Variants in BICC1 observed in about 807,000 individuals in gnomAD.
BICC1 encodes the protein protein bicaudal C homolog 1.
Under a neutral mutation model 111.0 loss-of-function variants are expected in BICC1, and 43 were observed. The ratio of observed to expected loss-of-function variants is 0.39; its 90% confidence interval spans 0.30 to 0.50. BICC1 has a LOEUF of 0.50. Among genes scored for constraint, BICC1 ranks in the 20% least tolerant of loss-of-function variants. The pLI is 0.88. For synonymous variants in BICC1, 467 were observed against 434.4 expected (o/e 1.07, Z -0.93); for missense variants, 1,091 against 1,203.2 (o/e 0.91, Z 1.38).
chr10:58,682,581 C>G (rs1217083326), intron 2 of BICC1, among the ~76,000 whole-genome samples: 2 of 152,110 alleles, frequency 1.3e-5, no homozygotes, highest in African/African-American at 4.8e-5. Context: ...GAGATGGTAT[C>G]TCGTTGTGGT....
At chr10:58,719,769 T>C (rs1420191140) in intron 3 of BICC1, among the ~76,000 whole-genome samples, 4 of 152,242 alleles carry the variant, frequency 2.6e-5, no homozygotes, top group African/African-American at 7.2e-5. Context: ...ACATTATCAT[T>C]AGATTTAGGA....
At chr10:58,710,843 TTTG>T (rs1840551275) in intron 3 of BICC1, among the ~76,000 whole-genome samples, 5 of 152,022 alleles carry the variant, frequency 3.3e-5, no homozygotes, top group African/African-American at 1.2e-4. Context: ...AATGTGTGGT[TTTG>T]TTGTTGTTGT....
chr10:58,695,219 T>C (rs1786717181), intron 2 of BICC1, among the ~76,000 whole-genome samples: 1 of 152,098 alleles, frequency 6.6e-6, no homozygotes, highest in Non-Finnish European at 1.5e-5. Flanking sequence ...AAAATAAACA[T>C]CCTCAGCTTT....
chr10:58,822,985 A>ATT (rs1844296411), intron 20 of BICC1, among the ~76,000 whole-genome samples: 1 of 151,818 alleles, frequency 6.6e-6, no homozygotes, highest in Middle Eastern at 3.5e-3. Flanking sequence ...GCCAAAATAC[A>ATT]TTTAATGTTA....
chr10:58,756,944 A>C (rs1439493916), intron 3 of BICC1, among the ~76,000 whole-genome samples: 1 of 152,198 alleles, frequency 6.6e-6, no homozygotes, highest in Non-Finnish European at 1.5e-5. Flanking sequence ...TTTGATAGTG[A>C]AGCATGCTTG....
intron 15 of BICC1, among the ~76,000 whole-genome samples, chr10:58,805,299 A>G (rs188904565): frequency 0.018 from 2,762 of 149,484 alleles, 43 homozygotes; most frequent in South Asian, 0.06. Flanking sequence ...TCTAAAAAAC[A>G]AACAAACAAA....
chr10:58,622,949 T>G (rs1265074720), intron 2 of BICC1, among the ~76,000 whole-genome samples: 1 of 152,200 alleles, frequency 6.6e-6, no homozygotes, highest in African/African-American at 2.4e-5. Context: ...GGCTTGTGAT[T>G]GGAATGTTTC....
At chr10:58,656,026 A>G (rs1367516718) in intron 2 of BICC1, among the ~76,000 whole-genome samples, 1 of 152,158 alleles carries the variant, frequency 6.6e-6, no homozygotes, top group Admixed American at 6.6e-5. Context: ...ATCACCACCG[A>G]TCCCACAGAA....
chr10:58,670,584 A>G (rs1418451466), intron 2 of BICC1, among the ~76,000 whole-genome samples: 1 of 152,176 alleles, frequency 6.6e-6, no homozygotes, highest in African/African-American at 2.4e-5. Context: ...GTGGTCAAGG[A>G]TGACACTGAA....
chr10:58,813,761 C>T, intron 17 of BICC1, 69 bp from the exon 18 acceptor site: 1 of 1,499,270 alleles, frequency 6.7e-7, no homozygotes, highest in Admixed American at 1.8e-5. Flanking sequence ...AATGTGGATT[C>T]TTTTCTCCTC....
chr10:58,690,957 A>C (rs1839890354), intron 2 of BICC1, among the ~76,000 whole-genome samples: 1 of 152,130 alleles, frequency 6.6e-6, no homozygotes, highest in African/African-American at 2.4e-5. Context: ...TTCCTCCCCC[A>C]AGTTTGTTTA....
chr10:58,696,578 C>T (rs1196996093), intron 2 of BICC1, among the ~76,000 whole-genome samples: 2 of 152,164 alleles, frequency 1.3e-5, no homozygotes, highest in African/African-American at 4.8e-5. Context: ...TTTAGATGGA[C>T]TCCTCCAAAA....
At chr10:58,779,870 C>T (rs764095486) in intron 3 of BICC1, among the ~76,000 whole-genome samples, 1 of 152,166 alleles carries the variant, frequency 6.6e-6, no homozygotes, top group Non-Finnish European at 1.5e-5. Flanking sequence ...AAGCCTGGGG[C>T]TTTTTCTGAC....
chr10:58,738,134 T>C (rs1289943560), intron 3 of BICC1, among the ~76,000 whole-genome samples: 2 of 152,316 alleles, frequency 1.3e-5, no homozygotes, highest in East Asian at 3.9e-4. Context: ...TGCCATTGCT[T>C]TTGGTGTTTT....
intron 20 of BICC1, 55 bp from the exon 21 acceptor site, chr10:58,828,706 T>C (rs982986473): frequency 5.7e-6 from 9 of 1,578,402 alleles, no homozygotes; most frequent in Middle Eastern, 1.7e-4. Context: ...CCATGTCCTG[T>C]AGTATACATA....
Position 58,803,256 on chromosome 10 carries a change from A to G in BICC1, c.2181+14A>G. On this transcript the variant is annotated intron_variant, in intron 15 of 20. Coordinates refer to ENST00000373886, the MANE Select transcript of BICC1 (RefSeq NM_001080512.3). ...GTCAACATGCAGGTAATGGTAATAA[A>G]ATAGGAAAGCCACTCAAATGTCATA... The G allele has an allele frequency of 1.3e-6, 2 of 1,570,032 alleles. No individual in the cohort carries two copies. Among genetic ancestry groups the G allele is most frequent in the Non-Finnish European group, 1.7e-6 (2 of 1,154,820 alleles).
At chr10:58,603,056 A>G (rs1196101502) in intron 1 of BICC1, among the ~76,000 whole-genome samples, 1 of 152,202 alleles carries the variant, frequency 6.6e-6, no homozygotes, top group Non-Finnish European at 1.5e-5. Context: ...CAAGTTTAGA[A>G]TATTTTAATG....
chr10:58,544,213 C>G (rs762539236), intron 1 of BICC1, among the ~76,000 whole-genome samples: 2 of 152,094 alleles, frequency 1.3e-5, no homozygotes, highest in Non-Finnish European at 2.9e-5. Flanking sequence ...AAAAAGGATT[C>G]AGTTATTTTC....
chr10:58,615,528 C>T (rs886717941), intron 1 of BICC1, among the ~76,000 whole-genome samples: 6 of 152,198 alleles, frequency 3.9e-5, no homozygotes, highest in Admixed American at 1.3e-4. Context: ...CCTGCTGACA[C>T]TACATGCAGC....
Sources: gnomAD v4.1 joint callset for allele counts (sites outside exome capture counted in the v4.1 genomes callset) on GRCh38, gnomAD v4.1.1 for gene constraint, MANE v1.5 for transcripts, NCBI Gene and HGNC (gene_info 2026-07-23, HGNC 2026-07-21) for gene names.